Variants in ADGB observed in about 807,000 individuals in gnomAD.
ADGB encodes the protein androglobin.
ADGB carries 172 observed loss-of-function variants against 210.5 expected under a neutral mutation model. The observed-to-expected ratio is 0.82, with a 90% CI of 0.72 to 0.93. The LOEUF (loss-of-function observed/expected upper bound fraction) is 0.93. ADGB is among the 40% of genes least tolerant of loss of function. The probability of loss-of-function intolerance (pLI) is 0.00; values close to 1 mark genes in which losing one functional copy is unlikely to be tolerated. For missense variants in ADGB, 2,025 were observed against 1,964.8 expected (o/e 1.03, Z -0.58); for synonymous variants, 658 against 662.7 (o/e 0.99, Z 0.11).
At chr6:146,807,542 C>A in intron 35 of ADGB, 1 of 1,550,492 alleles carries the variant, frequency 6.4e-7, no homozygotes, top group Middle Eastern at 1.7e-4. Context: ...AAAAGATGAC[C>A]CCAGCTCCTG....
chr6:146,664,610 G>A (rs1192113398), intron 6 of ADGB, among the ~76,000 whole-genome samples: 1 of 151,890 alleles, frequency 6.6e-6, no homozygotes, highest in Non-Finnish European at 1.5e-5. Context: ...ATTTGATCAT[G>A]GAAAATGATG....
At chr6:146,654,448 G>T (rs368764780) in intron 4 of ADGB, among the ~76,000 whole-genome samples, 4 of 151,542 alleles carry the variant, frequency 2.6e-5, no homozygotes, top group African/African-American at 7.3e-5. Context: ...AACCTCCCGG[G>T]CTAAAAATGA....
intron 1 of ADGB, among the ~76,000 whole-genome samples, chr6:146,607,831 A>G (rs1780652933): frequency 6.6e-6 from 1 of 151,956 alleles, no homozygotes; most frequent in South Asian, 2.1e-4. Flanking sequence ...GTGTCCATCA[A>G]GTGCATTGTC....
intron 22 of ADGB, among the ~76,000 whole-genome samples, chr6:146,736,046 G>T (rs1259043174): frequency 6.6e-6 from 1 of 152,132 alleles, no homozygotes; most frequent in Non-Finnish European, 1.5e-5. Context: ...CTGTTAATAA[G>T]GATTCACATT....
Position 146,717,599 on chromosome 6 carries a change from G to A in ADGB, c.1992G>A (p.Lys664=), listed in dbSNP as rs1467592368. 1.7e-5 allele frequency: 24 copies of A among 1,397,124 alleles called. No homozygotes were observed. The highest frequency in any genetic ancestry group is 4.4e-5 in the African/African-American group (3 of 68,478). The allele number at this position is 1,397,124 out of a possible 1,614,324, so 86.5% of individuals were successfully genotyped here. A position where few individuals can be genotyped will look rare whatever the true frequency, so the allele number is the denominator to read the frequency against. The change falls in exon 16 of 36, where the codon AAG becomes AAA. Residue 664 remains lysine, a splice_region_variant and synonymous_variant. Coordinates refer to ENST00000397944, the MANE Select transcript of ADGB (RefSeq NM_024694.4). The stretch of plus-strand genomic sequence containing the variant: ...TTAACTTTCAAAAATCAGAATTTAA[G>A]GTAAGTATGTTAGAATCTTTTCTAT... ...YCLNFQKSEF[K]FSEERVSYYL...
At chr6:146,752,224 T>C (rs1042134313) in intron 26 of ADGB, among the ~76,000 whole-genome samples, 4 of 151,852 alleles carry the variant, frequency 2.6e-5, no homozygotes, top group African/African-American at 7.3e-5. Flanking sequence ...GGGGAGCAGG[T>C]ACATCACATG....
intron 16 of ADGB, 49 bp downstream of exon 16, chr6:146,717,648 T>G (rs1428434934): frequency 6.4e-6 from 6 of 934,870 alleles, no homozygotes; most frequent in Non-Finnish European, 9.3e-6. Context: ...TTGGTAGAAT[T>G]GCACCCGTAG....
chr6:146,795,996 A>G (rs1778034765), intron 33 of ADGB, among the ~76,000 whole-genome samples: 2 of 152,194 alleles, frequency 1.3e-5, no homozygotes, highest in Admixed American at 6.5e-5. Flanking sequence ...TGAATTCAGT[A>G]AAGTTTCAGG....
intron 35 of ADGB, among the ~76,000 whole-genome samples, chr6:146,807,010 A>G (rs1778221648): frequency 6.6e-6 from 1 of 152,206 alleles, no homozygotes; most frequent in African/African-American, 2.4e-5. Flanking sequence ...AGTATAGCTC[A>G]TATATTTTGT....
Position 146,642,695 on chromosome 6 carries a change from T to C in ADGB, c.238-2078T>C, listed in dbSNP as rs1562262747. The stretch of plus-strand genomic sequence containing the variant: ...AATACCACACATTCTCACTTCTAAG[T>C]GGGAGCTAAATCATAAGAACTTATG... On this transcript the variant is annotated intron_variant, in intron 2 of 35. Transcript: ENST00000397944. Among the ~76,000 whole-genome samples, 3 of 151,868 alleles carry C rather than the reference T, an allele frequency of 2.0e-5. No individual in the cohort carries two copies. The East Asian group carries it at 5.8e-4, about 29-fold the overall frequency.
intron 35 of ADGB, among the ~76,000 whole-genome samples, chr6:146,808,972 G>A (rs954399824): frequency 2.0e-5 from 3 of 151,870 alleles, no homozygotes; most frequent in African/African-American, 7.3e-5. Flanking sequence ...CGAAGGCCTC[G>A]AGCTGTGGGA....
intron 1 of ADGB, among the ~76,000 whole-genome samples, chr6:146,615,260 C>G (rs901370932): frequency 2.7e-5 from 4 of 149,040 alleles, no homozygotes; most frequent in Non-Finnish European, 5.9e-5. Context: ...AGAATTCACT[C>G]ATCACCAAGA....
At chr6:146,796,118 CTT>C (rs1042818428) in intron 33 of ADGB, among the ~76,000 whole-genome samples, 8 of 151,936 alleles carry the variant, frequency 5.3e-5, no homozygotes, top group Non-Finnish European at 1.5e-5. Context: ...AGAAAAAAAA[CTT>C]AGGAATTTAC....
At chr6:146,734,093 T>A in intron 22 of ADGB, 63 bp downstream of exon 22, 1 of 1,481,186 alleles carries the variant, frequency 6.8e-7, no homozygotes, top group Non-Finnish European at 9.1e-7. Flanking sequence ...TTTATGTGTG[T>A]TAATGAAAGT....
intron 29 of ADGB, among the ~76,000 whole-genome samples, chr6:146,771,127 GA>G (rs1433471123): frequency 6.6e-6 from 1 of 152,004 alleles, no homozygotes. Flanking sequence ...GAATACGCCC[GA>G]ATACGCCTGT....
chr6:146,672,099 G>C, intron 7 of ADGB, 121 bp from the exon 8 acceptor site: 1 of 1,274,036 alleles, frequency 7.8e-7, no homozygotes, highest in Non-Finnish European at 1.1e-6. Context: ...CTAAAAATTT[G>C]AGTAACAATT....
At chr6:146,673,723 G>A (rs1036108231) in intron 8 of ADGB, among the ~76,000 whole-genome samples, 1 of 152,136 alleles carries the variant, frequency 6.6e-6, no homozygotes, top group Non-Finnish European at 1.5e-5. Context: ...GAGCAAGATA[G>A]ATGGTGGTAC....
At chr6:146,691,449 TATATATATAAAAATATATATATATATAA>T (rs1776318053) in intron 11 of ADGB, among the ~76,000 whole-genome samples, 159 bp downstream of exon 11, 4 of 55,942 alleles carry the variant, frequency 7.2e-5, no homozygotes, top group South Asian at 6.0e-4. Flanking sequence ...TATAAAAATA[TATATATATAAAAATATATATATATATAA>T]ATATATATAT....
intron 13 of ADGB, among the ~76,000 whole-genome samples, chr6:146,704,785 T>A (rs991745375): frequency 6.6e-6 from 1 of 152,044 alleles, no homozygotes; most frequent in South Asian, 2.1e-4. Context: ...GATTTTAGGA[T>A]GTTTTTAATA....
Sources: allele counts gnomAD v4.1 joint callset (sites outside exome capture counted in the v4.1 genomes callset), GRCh38; gene constraint gnomAD v4.1.1; transcripts MANE v1.5; gene names NCBI Gene and HGNC (gene_info 2026-07-23, HGNC 2026-07-21).